The following ACMSD variants were observed in gnomAD, a reference collection of about 807,000 sequenced individuals.
The protein encoded by ACMSD is 2-amino-3-carboxymuconate-6-semialdehyde decarboxylase.
A neutral mutation model predicts 45.9 loss-of-function variants in ACMSD; 37 were observed. That is an observed-to-expected ratio of 0.81 (90% CI 0.62 to 1.06). The LOEUF (loss-of-function observed/expected upper bound fraction) is 1.06, where lower values mean the gene tolerates loss of function less well. Among genes scored for constraint, ACMSD ranks in the 50% least tolerant of loss-of-function variants. The pLI, the probability that ACMSD is intolerant of heterozygous loss-of-function variation, is 0.00. For missense variants in ACMSD, 434 were observed against 420.9 expected (o/e 1.03, Z -0.27); for synonymous variants, 138 against 148.8 (o/e 0.93, Z 0.53).
At chr2:134,870,898 C>G (rs1688400021) in intron 6 of ACMSD, 67 bp from the exon 7 acceptor site, 1 of 1,388,618 alleles carries the variant, frequency 7.2e-7, no homozygotes, top group African/African-American at 1.4e-5. Flanking sequence ...TCCCCAGCCA[C>G]TAACATCACT....
chr2:134,852,868 TA>T (rs1287403658), intron 2 of ACMSD, among the ~76,000 whole-genome samples: 1 of 151,810 alleles, frequency 6.6e-6, no homozygotes, highest in East Asian at 1.9e-4. Context: ...AGACTGAGTT[TA>T]AAAATACATT....
At position 134,898,324 on chromosome 2, in the gene ACMSD, T is replaced by C. The variant is rs371650646; in HGVS notation, c.850-17T>C. ...TGTTTTACAAAACAACAGAGAAATA[T>C]ATATTTTGTTTTTTAGGATAAAGTC... On this transcript the variant is annotated splice_polypyrimidine_tract_variant and intron_variant, in intron 8 of 9. Transcript: ENST00000356140. 8 of 1,526,346 alleles carry C rather than the reference T, an allele frequency of 5.2e-6. No individual in the cohort carries two copies. The East Asian group carries it at 1.4e-4, about 27-fold the overall frequency. 94.6% of individuals were successfully genotyped at this position (1,526,346 alleles called of 1,614,324 possible).
chr2:134,866,626 C>T (rs1351451646), intron 5 of ACMSD, among the ~76,000 whole-genome samples: 2 of 152,214 alleles, frequency 1.3e-5, no homozygotes, highest in East Asian at 3.8e-4. Flanking sequence ...AGTCACATTG[C>T]ATCAGCCTGG....
At chr2:134,868,270 T>G (rs1688218797) in intron 6 of ACMSD, among the ~76,000 whole-genome samples, 1 of 152,104 alleles carries the variant, frequency 6.6e-6, no homozygotes, top group East Asian at 1.9e-4. Flanking sequence ...GCACTATCCA[T>G]AGTTCCACGA....
At chr2:134,862,547 G>C (rs1470873365) in intron 4 of ACMSD, among the ~76,000 whole-genome samples, 4 of 152,142 alleles carry the variant, frequency 2.6e-5, no homozygotes, top group African/African-American at 9.7e-5. Flanking sequence ...AGCCGGGAAT[G>C]TGCTAGTCCC....
intron 2 of ACMSD, among the ~76,000 whole-genome samples, chr2:134,850,088 C>A (rs184716694): frequency 2.7e-5 from 4 of 150,122 alleles, no homozygotes; most frequent in Non-Finnish European, 5.9e-5. Flanking sequence ...TATCCCCCGC[C>A]CCCCAAATTC....
Position 134,870,998 on chromosome 2 carries a change from C to A in ACMSD, c.614C>A (p.Ser205Tyr). ...MPAETTIAIC[S>Y]MIMGGVFEKF... ...GCAGAGACCACCATAGCCATTTGCT[C>A]CATGATCATGGGTGGAGTATTTGAG... Residue 205 changes from serine to tyrosine, a missense_variant, in exon 7 of 10, where the codon TCC becomes TAC. Transcript: ENST00000356140. 6.2e-7 allele frequency: 1 copy of A among 1,614,102 alleles called. No individual in the cohort carries two copies. The highest frequency in any genetic ancestry group is 8.5e-7 in the Non-Finnish European group (1 of 1,180,020).
At chr2:134,868,644 G>C (rs1157053354) in intron 6 of ACMSD, among the ~76,000 whole-genome samples, 1 of 151,730 alleles carries the variant, frequency 6.6e-6, no homozygotes, top group African/African-American at 2.4e-5. Flanking sequence ...GTAGAAACAG[G>C]GTTTCACCAT....
chr2:134,865,290 T>C (rs3819121), intron 5 of ACMSD, among the ~76,000 whole-genome samples: 68,705 of 152,132 alleles, frequency 0.45, 16,148 homozygotes, highest in Middle Eastern at 0.81. Context: ...GAATGTTTTC[T>C]AGAAACTTTA....
intron 8 of ACMSD, among the ~76,000 whole-genome samples, chr2:134,885,371 AT>A (rs1689341155): frequency 9.6e-6 from 1 of 104,440 alleles, no homozygotes; most frequent in Non-Finnish European, 1.8e-5. Flanking sequence ...CATATATATT[AT>A]ATATAATATA....
intron 7 of ACMSD, 25 bp downstream of exon 7, chr2:134,871,085 G>T (rs1445041537): frequency 6.3e-7 from 1 of 1,594,082 alleles, no homozygotes; most frequent in African/African-American, 1.3e-5. Flanking sequence ...TTATTAGTCA[G>T]CTCAGGCTGT....
intron 2 of ACMSD, among the ~76,000 whole-genome samples, chr2:134,847,902 A>C (rs1223393796): frequency 2.0e-5 from 3 of 149,392 alleles, no homozygotes; most frequent in Non-Finnish European, 4.4e-5. Flanking sequence ...CACAGGCTGG[A>C]GTGCAATGGC....
intron 1 of ACMSD, among the ~76,000 whole-genome samples, chr2:134,840,180 A>AAC (rs1475106365): frequency 1.4e-5 from 2 of 140,146 alleles, no homozygotes; most frequent in South Asian, 2.7e-4. Flanking sequence ...AAAAAAAAAA[A>AAC]AAAAAAAAAA....
intron 6 of ACMSD, chr2:134,868,885 G>A (rs927940839): frequency 6.6e-6 from 1 of 152,112 alleles, no homozygotes; most frequent in Non-Finnish European, 1.5e-5. Context: ...TCAAAAACCG[G>A]GATTTTAGTT....
chr2:134,844,393 A>C (rs1686955580), intron 1 of ACMSD: 1 of 152,172 alleles, frequency 6.6e-6, no homozygotes, highest in Non-Finnish European at 1.5e-5. Flanking sequence ...AGATGCAAGT[A>C]GTTTGCTTTG....
At chr2:134,855,247 C>T (rs1041647665) in intron 2 of ACMSD, among the ~76,000 whole-genome samples, 1 of 152,180 alleles carries the variant, frequency 6.6e-6, no homozygotes, top group African/African-American at 2.4e-5. Flanking sequence ...GAATCAAGCT[C>T]AGAAAACTTG....
intron 6 of ACMSD, among the ~76,000 whole-genome samples, chr2:134,867,944 A>G (rs192730397): frequency 7.2e-5 from 11 of 152,292 alleles, no homozygotes; most frequent in Admixed American, 7.2e-4. Flanking sequence ...AGATGGAGAA[A>G]CTGAGGCTTG....
At chr2:134,872,673 G>A (rs1352749357) in intron 8 of ACMSD, 32 bp downstream of exon 8, 2 of 1,612,902 alleles carry the variant, frequency 1.2e-6, no homozygotes, top group Non-Finnish European at 1.7e-6. Context: ...GATGGCTTAT[G>A]GGGAGCAGAA....
rs368008378 is a variant in ACMSD at position 134,891,424 on chromosome 2, A to G, written c.850-6917A>G. ...TGTATGTTTTTGTCAACTTTGTCAAAGCTCATGAATAGACACACTTCAAAA... is the reference window on the plus strand; with the variant it reads ...TGTATGTTTTTGTCAACTTTGTCAAGGCTCATGAATAGACACACTTCAAAA... On this transcript the variant is annotated intron_variant, in intron 8 of 9. Transcript: ENST00000356140. Among the ~76,000 whole-genome samples the G allele has an allele frequency of 9.2e-5, 14 of 152,264 alleles. No individual in the cohort carries two copies. The East Asian group carries it at 2.5e-3, about 27-fold the overall frequency.
Sources: allele counts gnomAD v4.1 joint callset (sites outside exome capture counted in the v4.1 genomes callset), GRCh38; gene constraint gnomAD v4.1.1; transcripts MANE v1.5; gene names NCBI Gene and HGNC (gene_info 2026-07-23, HGNC 2026-07-21).